Variants in CREB5 observed in about 807,000 individuals in gnomAD.
The protein encoded by CREB5 is cyclic AMP-responsive element-binding protein 5.
Under a neutral mutation model 57.1 loss-of-function variants are expected in CREB5, and 19 were observed. The observed-to-expected ratio is 0.33, with a 90% CI of 0.23 to 0.49. The LOEUF (loss-of-function observed/expected upper bound fraction) is 0.49, where lower values mean the gene tolerates loss of function less well. CREB5 is among the 20% of genes least tolerant of loss of function. CREB5 has a pLI of 0.99. For missense variants in CREB5, 579 were observed against 671.6 expected (o/e 0.86, Z 1.52); for synonymous variants, 238 against 238.3 (o/e 1.00, Z 0.01).
intron 9 of CREB5, 65 bp downstream of exon 9, chr7:28,809,479 T>A (rs1294457859): frequency 7.0e-7 from 1 of 1,438,254 alleles, no homozygotes; most frequent in Non-Finnish European, 9.4e-7. Context: ...TTTCCGGCCC[T>A]GACAGGCACT....
intron 1 of CREB5, among the ~76,000 whole-genome samples, chr7:28,359,811 G>T (rs1265636714): frequency 6.6e-6 from 1 of 152,056 alleles, no homozygotes; most frequent in Non-Finnish European, 1.5e-5. Context: ...AAATATACTG[G>T]TAAGGCACAT....
intron 1 of CREB5, among the ~76,000 whole-genome samples, chr7:28,429,958 A>C (rs1019216814): frequency 2.0e-5 from 3 of 152,166 alleles, no homozygotes; most frequent in Non-Finnish European, 2.9e-5. Flanking sequence ...AAAGAAAGAG[A>C]TCTGATTTAC....
intron 1 of CREB5, among the ~76,000 whole-genome samples, chr7:28,454,615 C>T (rs1030733862): frequency 6.6e-6 from 1 of 152,156 alleles, no homozygotes; most frequent in African/African-American, 2.4e-5. Context: ...ATAGGTCTGC[C>T]CTCGCTCCAC....
chr7:28,732,636 T>G (rs1336046082), intron 7 of CREB5, among the ~76,000 whole-genome samples: 1 of 152,240 alleles, frequency 6.6e-6, no homozygotes, highest in East Asian at 1.9e-4. Flanking sequence ...CTTGGAATGT[T>G]TGTAGCTTAC....
At chr7:28,592,508 G>C (rs181424682) in intron 5 of CREB5, among the ~76,000 whole-genome samples, 3 of 152,156 alleles carry the variant, frequency 2.0e-5, no homozygotes, top group Non-Finnish European at 2.9e-5. Flanking sequence ...AGGGAGCAAG[G>C]GGGGGTTGAC....
At chr7:28,300,847 G>C (rs942367251) in intron 1 of CREB5, among the ~76,000 whole-genome samples, 3 of 152,152 alleles carry the variant, frequency 2.0e-5, no homozygotes, top group African/African-American at 4.8e-5. Context: ...CTCCTGAATA[G>C]TGGTTGTCAA....
chr7:28,635,829 G>A (rs1017183312), intron 5 of CREB5, among the ~76,000 whole-genome samples: 15 of 152,260 alleles, frequency 9.9e-5, no homozygotes, highest in African/African-American at 3.6e-4. Flanking sequence ...TATGCCAGTT[G>A]ATATGGTGTC....
At chr7:28,357,467 G>C (rs1786369733) in intron 1 of CREB5, among the ~76,000 whole-genome samples, 2 of 152,092 alleles carry the variant, frequency 1.3e-5, no homozygotes, top group African/African-American at 2.4e-5. Context: ...GATTTATTTA[G>C]GATTTTGCTG....
At chr7:28,432,400 C>T (rs185512176) in intron 1 of CREB5, among the ~76,000 whole-genome samples, 6 of 152,254 alleles carry the variant, frequency 3.9e-5, no homozygotes, top group Admixed American at 2.0e-4. Context: ...GTCGCTCGTA[C>T]GCAGTTTTGT....
chr7:28,815,356 G>T (rs188081233), intron 9 of CREB5, among the ~76,000 whole-genome samples: 1 of 152,132 alleles, frequency 6.6e-6, no homozygotes, highest in Admixed American at 6.5e-5. Flanking sequence ...TATTCTCAGG[G>T]TTCTGCATTT....
chr7:28,399,813 TG>T (rs1310118883), intron 1 of CREB5, among the ~76,000 whole-genome samples: 8 of 151,704 alleles, frequency 5.3e-5, no homozygotes, highest in African/African-American at 1.9e-4. Context: ...CCCAGCACTT[TG>T]GGAGGCGAGG....
chr7:28,460,384 C>T (rs1413810895), intron 1 of CREB5, among the ~76,000 whole-genome samples: 1 of 152,156 alleles, frequency 6.6e-6, no homozygotes, highest in African/African-American at 2.4e-5. Flanking sequence ...CATGCTAGTG[C>T]TGTTATTTCC....
intron 5 of CREB5, among the ~76,000 whole-genome samples, chr7:28,703,569 T>C (rs926096337): frequency 6.6e-6 from 1 of 152,108 alleles, no homozygotes; most frequent in Non-Finnish European, 1.5e-5. Context: ...GAAAAGCAGA[T>C]GGTGTAAATT....
intron 1 of CREB5, among the ~76,000 whole-genome samples, chr7:28,397,414 T>C (rs933785490): frequency 6.6e-6 from 1 of 152,196 alleles, no homozygotes; most frequent in Non-Finnish European, 1.5e-5. Context: ...TCCCATCTGT[T>C]TGGCCCTCTT....
At chr7:28,703,348 A>G (rs1801957722) in intron 5 of CREB5, among the ~76,000 whole-genome samples, 1 of 152,200 alleles carries the variant, frequency 6.6e-6, no homozygotes, top group Admixed American at 6.5e-5. Context: ...TCTCAAAGTT[A>G]ATGACTAAAT....
intron 1 of CREB5, among the ~76,000 whole-genome samples, chr7:28,342,979 C>T (rs1045876543): frequency 3.3e-5 from 5 of 151,512 alleles, no homozygotes; most frequent in African/African-American, 7.3e-5. Flanking sequence ...CTTGCTCTGT[C>T]GCCCAGGCTG....
At chr7:28,560,874 G>A (rs1399311035) in intron 4 of CREB5, among the ~76,000 whole-genome samples, 15 of 36,452 alleles carry the variant, frequency 4.1e-4, no homozygotes, top group Admixed American at 9.5e-4. Flanking sequence ...GCCTGCGTGC[G>A]CGTGCGTGCG....
rs191350170 is a variant in CREB5, at chr7:28,729,066, G to A, written c.702+4734G>A. Among the ~76,000 whole-genome samples, 90 of 152,198 alleles carry A rather than the reference G, an allele frequency of 5.9e-4. 1 individual carries two copies. Among genetic ancestry groups the A allele is most frequent in the African/African-American group, 2.0e-3 (82 of 41,526 alleles). On this transcript the variant is annotated intron_variant, in intron 7 of 10. Transcript: ENST00000357727. Reference sequence around the variant, plus strand: ...TTTGATCATTTATTGTCAATACCTCGTCTATAGTTAGGTTTGCAATTTATT... The same window carrying A: ...TTTGATCATTTATTGTCAATACCTCATCTATAGTTAGGTTTGCAATTTATT...
At chr7:28,303,725 G>A (rs1255013388) in intron 1 of CREB5, among the ~76,000 whole-genome samples, 1 of 151,980 alleles carries the variant, frequency 6.6e-6, no homozygotes, top group Admixed American at 6.6e-5. Context: ...AAACTTTATG[G>A]ATACAATCCA....
Sources: allele counts gnomAD v4.1 joint callset (sites outside exome capture counted in the v4.1 genomes callset), GRCh38; gene constraint gnomAD v4.1.1; transcripts MANE v1.5; gene names NCBI Gene and HGNC (gene_info 2026-07-23, HGNC 2026-07-21).